Variants in NF1 observed in about 807,000 individuals in gnomAD.
NF1 encodes the protein neurofibromin 1.
In NF1, 122 loss-of-function variants were observed where a neutral mutation model predicts 325.7. The ratio of observed to expected loss-of-function variants is 0.37; its 90% confidence interval spans 0.32 to 0.44. The LOEUF is 0.44. Among genes scored for constraint, NF1 ranks in the 20% least tolerant of loss-of-function variants. The pLI is 1.00. For synonymous variants in NF1, 1,091 were observed against 1,186.0 expected (o/e 0.92, Z 1.65); for missense variants, 2,140 against 3,415.4 (o/e 0.63, Z 9.31).
chr17:31,131,919 T>C (rs1915425252), intron 1 of NF1, among the ~76,000 whole-genome samples: 1 of 152,102 alleles, frequency 6.6e-6, no homozygotes, highest in Non-Finnish European at 1.5e-5. Flanking sequence ...TGTTTTTTTT[T>C]CTGTTTGTGT....
rs187879610 is a variant in NF1, at chr17:31,302,911, A to C, written c.4836-22909A>C. Among the ~76,000 whole-genome samples, 639 of 152,326 alleles carry C rather than the reference A, an allele frequency of 4.2e-3. 2 individuals are homozygous for C. Among genetic ancestry groups the C allele is most frequent in the Non-Finnish European group, 5.5e-3 (376 of 68,024 alleles). On this transcript the variant is annotated intron_variant, in intron 36 of 57. Transcript: ENST00000358273. ...TTTAATGAGGAAGACAAAAGATGTA[A>C]TATGACAATAAGTATCATGCTTATT...
Position 31,334,955 on chromosome 17 carries a change from A to G in NF1, c.5930A>G (p.Lys1977Arg), listed in dbSNP as rs1555534416. The part of the protein sequence containing the change: ...KRQRVTAILD[K>R]LITMTINEKQ... ...CAAAGAGTTACTGCTATTCTTGACA[A>G]GCTGATAACAATGACCATCAATGAA... Residue 1977 changes from lysine (K) to arginine (R), a missense_variant, in exon 40 of 58, where the codon AAG (lysine) becomes AGG (arginine). Lys to Arg is a conservative substitution (Grantham distance 26). Coordinates refer to ENST00000358273, the MANE Select transcript of NF1 (RefSeq NM_001042492.3). 1 of 1,613,778 alleles carries G rather than the reference A, an allele frequency of 6.2e-7. No homozygotes were observed. The highest frequency in any genetic ancestry group is 1.1e-5 in the South Asian group (1 of 91,066).
rs559639379 is a variant in NF1 at position 31,236,166 on chromosome 17, C to T, written c.3974+145C>T. 215 of 635,560 alleles carry T rather than the reference C, an allele frequency of 3.4e-4. 1 individual carries two copies. The highest frequency in any genetic ancestry group is 2.1e-3 in the Middle Eastern group (5 of 2,398). 39.4% of individuals were successfully genotyped at this position (635,560 alleles called of 1,614,324 possible). ...ATTATAAAAGTTATATACAAATACA[C>T]GTTTCTTTAATGATATCTGTAATTT... is the stretch of plus-strand genomic sequence containing the variant. On this transcript the variant is annotated intron_variant, in intron 29 of 57. Transcript: ENST00000358273.
chr17:31,160,123 C>T (rs1284329905), intron 3 of NF1, among the ~76,000 whole-genome samples: 1 of 152,108 alleles, frequency 6.6e-6, no homozygotes, highest in Non-Finnish European at 1.5e-5. Context: ...TCTCACTCTG[C>T]GGCACAGGCT....
intron 12 of NF1, among the ~76,000 whole-genome samples, chr17:31,211,150 A>C (rs1240118919): frequency 6.6e-6 from 1 of 152,188 alleles, no homozygotes; most frequent in Non-Finnish European, 1.5e-5. Context: ...CTGGTTCATG[A>C]ATTTCTTCCC....
chr17:31,163,253 A>G lies in NF1; in HGVS notation c.356A>G (p.His119Arg), dbSNP rs150080742. The G allele has an allele frequency of 6.2e-7, 1 of 1,614,138 alleles. No individual in the cohort carries two copies. Among genetic ancestry groups the G allele is most frequent in the Non-Finnish European group, 8.5e-7 (1 of 1,180,024 alleles). ...LVKQLLPEIC[H>R]FLHTCREGNQ... is the part of the protein sequence containing the mutation. The stretch of plus-strand genomic sequence containing the variant: ...AAACAGTTGCTGCCAGAAATCTGCC[A>G]TTTTCTTCACACCTGTCGTGAAGGA... The change falls in exon 4 of 58, where the codon CAT becomes CGT. Residue 119 changes from histidine to arginine, a missense_variant. Transcript: ENST00000358273.
intron 17 of NF1, 58 bp from the exon 18 acceptor site, chr17:31,226,377 A>G (rs1463121216): frequency 1.3e-6 from 2 of 1,563,404 alleles, no homozygotes; most frequent in African/African-American, 2.9e-5. Context: ...GCATTGTTAG[A>G]TTTTATACAT....
chr17:31,268,116 G>A (rs868105374), intron 36 of NF1, among the ~76,000 whole-genome samples: 11 of 152,276 alleles, frequency 7.2e-5, no homozygotes, highest in Middle Eastern at 3.4e-3. Flanking sequence ...TCTTCCTCAT[G>A]ATTTTCATCT....
chr17:31,262,985 C>A (rs1287396675), intron 35 of NF1, among the ~76,000 whole-genome samples: 1 of 151,844 alleles, frequency 6.6e-6, no homozygotes, highest in Admixed American at 6.6e-5. Flanking sequence ...GAGTTCAAGA[C>A]CAGCCTGGGC....
chr17:31,362,663 A>G (rs1335096305), intron 57 of NF1, among the ~76,000 whole-genome samples: 1 of 152,196 alleles, frequency 6.6e-6, no homozygotes, highest in Non-Finnish European at 1.5e-5. Context: ...CAGAAGTTGA[A>G]AAGTTTTTAA....
At chr17:31,124,837 A>G (rs1914742070) in intron 1 of NF1, among the ~76,000 whole-genome samples, 2 of 150,860 alleles carry the variant, frequency 1.3e-5, no homozygotes, top group Admixed American at 1.3e-4. Flanking sequence ...TCCTGGCCTC[A>G]TGATCTGTCC....
At chr17:31,320,780 T>C (rs374052834) in intron 36 of NF1, among the ~76,000 whole-genome samples, 9 of 152,342 alleles carry the variant, frequency 5.9e-5, no homozygotes, top group African/African-American at 2.2e-4. Flanking sequence ...ATTTCATGAT[T>C]CTTCCACAAA....
intron 8 of NF1, among the ~76,000 whole-genome samples, chr17:31,184,521 C>T (rs1436614009): frequency 1.3e-5 from 2 of 150,752 alleles, no homozygotes; most frequent in East Asian, 1.9e-4. Flanking sequence ...AGGTGGCGGG[C>T]GCCTGTAGTC....
chr17:31,181,905 G>T (rs531176847), intron 7 of NF1, 120 bp downstream of exon 7: 3 of 708,716 alleles, frequency 4.2e-6, no homozygotes, highest in East Asian at 2.6e-5. Flanking sequence ...ATCTTCTATT[G>T]TCAACTGGTG....
chr17:31,242,303 C>CTTTTTT (rs1354000708), intron 29 of NF1, among the ~76,000 whole-genome samples: 1 of 94,254 alleles, frequency 1.1e-5, no homozygotes, highest in African/African-American at 5.0e-5. Context: ...TTCATAAGTT[C>CTTTTTT]TCTTTTTTTT....
intron 36 of NF1, among the ~76,000 whole-genome samples, chr17:31,319,535 A>G (rs2069122976): frequency 6.6e-6 from 1 of 152,162 alleles, no homozygotes; most frequent in South Asian, 2.1e-4. Context: ...AGCAACCAAA[A>G]GAAACTGAAC....
At chr17:31,220,266 A>G (rs1161438835) in intron 14 of NF1, among the ~76,000 whole-genome samples, 1 of 152,182 alleles carries the variant, frequency 6.6e-6, no homozygotes, top group Non-Finnish European at 1.5e-5. Context: ...GTTTATACAT[A>G]CCCAGTAAAA....
Position 31,317,368 on chromosome 17 carries a change from AACACAC to A in NF1, c.4836-8421_4836-8416del, listed in dbSNP as rs3138611. On this transcript the variant is annotated intron_variant, in intron 36 of 57. Coordinates refer to ENST00000358273, the MANE Select transcript of NF1 (RefSeq NM_001042492.3). ...TGAAGTATGCAGTTTTCCAGATTTG[AACACAC>A]ACACACACACACACACACACACACA... 3.7e-4 allele frequency among the ~76,000 whole-genome samples: 53 copies of A among 144,644 alleles called. 1 individual carries two copies. The highest frequency in any genetic ancestry group is 9.6e-4 in the African/African-American group (38 of 39,502). 94.9% of individuals were successfully genotyped at this position (144,644 alleles called of 152,430 possible).
At chr17:31,320,273 A>G (rs1567894041) in intron 36 of NF1, 2 of 878,152 alleles carry the variant, frequency 2.3e-6, no homozygotes, top group Non-Finnish European at 3.3e-6. Context: ...TACTAAATGA[A>G]ATTGCCTGGT....
Sources: allele counts gnomAD v4.1 joint callset (sites outside exome capture counted in the v4.1 genomes callset), GRCh38; gene constraint gnomAD v4.1.1; transcripts MANE v1.5; gene names NCBI Gene and HGNC (gene_info 2026-07-23, HGNC 2026-07-21).